DIDO1: variants seen among roughly 807,000 people sequenced by gnomAD.
DIDO1 encodes death-inducer obliterator 1.
DIDO1 carries 16 observed loss-of-function variants against 99.4 expected under a neutral mutation model. That is an observed-to-expected ratio of 0.16 (90% CI 0.11 to 0.24). DIDO1 has a LOEUF of 0.24. DIDO1 is among the 10% of genes least tolerant of loss of function. DIDO1 has a pLI of 1.00. For missense variants in DIDO1, 2,996 were observed against 3,014.0 expected (o/e 0.99, Z 0.14); for synonymous variants, 1,366 against 1,239.1 (o/e 1.10, Z -2.15).
Position 62,879,366 on chromosome 20 carries a change from C to CGCTCTCTGCTCCGGGA in DIDO1, c.6574_6589dup (p.Arg2197LeufsTer65). On this transcript the variant is annotated frameshift_variant, in exon 16 of 16. Transcript: ENST00000395343. LOFTEE classifies it low-confidence loss of function (END_TRUNC). The surrounding 1 kb of genome is among the most constrained non-coding windows in gnomAD (Gnocchi z 6.3). ...CCTGTCCCTGGCCTTGTCTCGGTCC[C>CGCTCTCTGCTCCGGGA]GCTCTCTGCTCCGGGACCGGTCCCG... is the stretch of plus-strand genomic sequence containing the variant. The CGCTCTCTGCTCCGGGA allele has an allele frequency of 6.5e-7, 1 of 1,548,302 alleles. No individual in the cohort carries two copies. Among genetic ancestry groups the CGCTCTCTGCTCCGGGA allele is most frequent in the Non-Finnish European group, 8.7e-7 (1 of 1,148,612 alleles).
rs1411750535 is a variant in DIDO1 at position 62,895,158 on chromosome 20, A to T, written c.2222T>A (p.Phe741Tyr). Residue 741 changes from phenylalanine (F) to tyrosine (Y), a missense_variant, in exon 9 of 16, where the codon TTC (phenylalanine) becomes TAC (tyrosine). By Grantham distance (22) the Phe-to-Tyr change is conservative. Transcript: ENST00000395343. ...GATTTCCTCACGCAGAACACGATGG[A>T]AGAGTCCCTATAAACAAGTATTTTT... is the stretch of plus-strand genomic sequence containing the variant. The part of the protein sequence containing the change: ...NLKDPKNQGL[F>Y]HRVLREEISL... 4 of 1,606,150 alleles carry T rather than the reference A, an allele frequency of 2.5e-6. No homozygotes were observed. The highest frequency in any genetic ancestry group is 3.4e-6 in the Non-Finnish European group (4 of 1,173,336).
In DIDO1 at chr20:62,894,728, G is replaced by A; in HGVS notation, c.2436+82C>T. On this transcript the variant is annotated intron_variant, in intron 10 of 15. Coordinates refer to ENST00000395343, the MANE Select transcript of DIDO1 (RefSeq NM_001193369.2). The surrounding 1 kb of genome is among the most constrained non-coding windows in gnomAD (Gnocchi z 4.4). Reference sequence around the variant, plus strand: ...TACACCTGCTGTAAGCTCAGGTCCTGCCCAATAATTTAAGATAACCTCAAA... The same window carrying A: ...TACACCTGCTGTAAGCTCAGGTCCTACCCAATAATTTAAGATAACCTCAAA... The A allele has an allele frequency of 1.4e-6, 2 of 1,478,308 alleles. No homozygotes were observed. Among genetic ancestry groups the A allele is most frequent in the Non-Finnish European group, 1.8e-6 (2 of 1,087,082 alleles). 91.6% of individuals were successfully genotyped at this position (1,478,308 alleles called of 1,614,324 possible). A position where few individuals can be genotyped will look rare whatever the true frequency, so the allele number is the denominator to read the frequency against.
intron 15 of DIDO1, among the ~76,000 whole-genome samples, chr20:62,882,766 T>TTATC (rs10656139): frequency 0.42 from 64,139 of 151,614 alleles, 15,344 homozygotes; most frequent in African/African-American, 0.67. Context: ...ATATTTTAAA[T>TTATC]TATAATGCTA....
intron 15 of DIDO1, chr20:62,888,725 G>T (rs746145376): frequency 1.7e-5 from 17 of 985,368 alleles, no homozygotes; most frequent in Non-Finnish European, 1.9e-5. Context: ...ACATGTACAT[G>T]TTTATATCTA....
At position 62,880,813 on chromosome 20, in the gene DIDO1, G is replaced by A. The variant is rs532200967; in HGVS notation, c.5143C>T (p.Pro1715Ser). ...NLHSAGRSSSPAGETEGDREP... is the reference protein window; with the variant it reads ...NLHSAGRSSSSAGETEGDREP... ...CTGTCCCCCTCTGTTTCACCTGCAGGGCTGCTGCTCCTTCCAGCAGAATGA... is the reference window on the plus strand; with the variant it reads ...CTGTCCCCCTCTGTTTCACCTGCAGAGCTGCTGCTCCTTCCAGCAGAATGA... Residue 1715 changes from proline to serine, a missense_variant, in exon 16 of 16, where the codon CCT (proline) becomes TCT (serine). By Grantham distance (74) the Pro-to-Ser change is moderately conservative. This residue lies in a region of DIDO1 where 1,562 missense variants were observed against 1,412.6 expected (regional missense o/e 1.11). Transcript: ENST00000395343. 1.7e-5 allele frequency: 27 copies of A among 1,612,714 alleles called. No homozygotes were observed. Among genetic ancestry groups the A allele is most frequent in the Middle Eastern group, 3.3e-4 (2 of 6,060 alleles).
At chr20:62,922,998 T>G (rs1280025976) in intron 1 of DIDO1, among the ~76,000 whole-genome samples, 1 of 151,768 alleles carries the variant, frequency 6.6e-6, no homozygotes, top group Non-Finnish European at 1.5e-5. Flanking sequence ...ATAGTGAAAT[T>G]CTTTTTGTTG....
chr20:62,922,178 A>G (rs2147566639), intron 1 of DIDO1, among the ~76,000 whole-genome samples: 1 of 149,252 alleles, frequency 6.7e-6, no homozygotes, highest in African/African-American at 2.5e-5. Flanking sequence ...GCTCTTTTAT[A>G]TGTATGTGTG....
At position 62,910,031 on chromosome 20, in the gene DIDO1, A is replaced by G; in HGVS notation, c.840-11T>C. 6.3e-7 allele frequency: 1 copy of G among 1,598,866 alleles called. No individual in the cohort carries two copies. The highest frequency in any genetic ancestry group is 1.1e-5 in the South Asian group (1 of 91,008). The stretch of plus-strand genomic sequence containing the variant: ...CAGCAAATCATAAACCTGAAATTAT[A>G]AAATAACGGTATTAGCAATGGGACG... On this transcript the variant is annotated splice_polypyrimidine_tract_variant and intron_variant, in intron 3 of 15. Coordinates refer to ENST00000395343, the MANE Select transcript of DIDO1 (RefSeq NM_001193369.2).
chr20:62,928,115 G>A (rs1432034309), upstream of DIDO1, among the ~76,000 whole-genome samples: 1 of 152,158 alleles, frequency 6.6e-6, no homozygotes, highest in African/African-American at 2.4e-5. Context: ...AGTCTCTTTA[G>A]CTGAGGATCT....
chr20:62,911,644 C>G lies in DIDO1; in HGVS notation c.-2-30G>C. Reference sequence around the variant, plus strand: ...CGGTAAAGTGTAAGCACATAGTGACCAACTGACCACAGAACAAAAGGTGAC... The same window carrying G: ...CGGTAAAGTGTAAGCACATAGTGACGAACTGACCACAGAACAAAAGGTGAC... On this transcript the variant is annotated intron_variant, in intron 2 of 15. Transcript: ENST00000395343. This position sits in a 1 kb window ranked among gnomAD's most constrained non-coding sequence, Gnocchi z 7.0. 6.6e-7 allele frequency: 1 copy of G among 1,504,020 alleles called. No homozygotes were observed. Among genetic ancestry groups the G allele is most frequent in the Non-Finnish European group, 8.9e-7 (1 of 1,124,138 alleles). The allele number at this position is 1,504,020 out of a possible 1,614,324, so 93.2% of individuals were successfully genotyped here. A position where few individuals can be genotyped will look rare whatever the true frequency, so the allele number is the denominator to read the frequency against.
At chr20:62,887,008 C>T (rs911668446) in intron 15 of DIDO1, among the ~76,000 whole-genome samples, 5 of 152,192 alleles carry the variant, frequency 3.3e-5, no homozygotes, top group Non-Finnish European at 5.9e-5. Context: ...AGGAGAGCGA[C>T]GTCCATCTTC....
In DIDO1 at chr20:62,896,753, G is replaced by A. The variant is rs367781125; in HGVS notation, c.1832C>T (p.Ala611Val). Reference sequence around the variant, plus strand: ...TGCAGGTGCCGGTCCGGCCTGCCTGGCAGCTGAAGCACCACTCGATGGGGT... The same window carrying A: ...TGCAGGTGCCGGTCCGGCCTGCCTGACAGCTGAAGCACCACTCGATGGGGT... Reference protein sequence around the residue: ...SATPSSGASAARQAGPAPAAA... With the variant: ...SATPSSGASAVRQAGPAPAAA... The change falls in exon 7 of 16, where the codon GCC (alanine) becomes GTC (valine). Residue 611 changes from alanine to valine, a missense_variant. By Grantham distance (64) the Ala-to-Val change is moderately conservative. Around this residue, in one of 5 missense-constraint regions of DIDO1, gnomAD observed 898 missense variants for 972.7 expected, o/e 0.92. Transcript: ENST00000395343. The surrounding 1 kb of genome is among the most constrained non-coding windows in gnomAD (Gnocchi z 4.4). The A allele has an allele frequency of 6.2e-7, 1 of 1,613,354 alleles. No individual in the cohort carries two copies. The highest frequency in any genetic ancestry group is 8.5e-7 in the Non-Finnish European group (1 of 1,179,554).
intron 1 of DIDO1, among the ~76,000 whole-genome samples, chr20:62,915,053 G>A (rs1271607369): frequency 6.6e-6 from 1 of 152,152 alleles, no homozygotes; most frequent in African/African-American, 2.4e-5. Flanking sequence ...TTGCCCCAAA[G>A]CCGACACTTC....
intron 15 of DIDO1, among the ~76,000 whole-genome samples, chr20:62,885,565 C>G (rs114915916): frequency 1.3e-5 from 2 of 152,148 alleles, no homozygotes; most frequent in African/African-American, 4.8e-5. Flanking sequence ...GCAGCTGGCA[C>G]GTGTAAATGC....
At chr20:62,887,798 T>C (rs897504545) in intron 15 of DIDO1, 26 of 985,286 alleles carry the variant, frequency 2.6e-5, no homozygotes, top group Non-Finnish European at 3.0e-5. Flanking sequence ...CGGGGGGCCC[T>C]GTTGGTAAAG....
At chr20:62,913,627 A>C (rs1482513449) in intron 2 of DIDO1, among the ~76,000 whole-genome samples, 1 of 152,260 alleles carries the variant, frequency 6.6e-6, no homozygotes, top group Non-Finnish European at 1.5e-5. Flanking sequence ...CTGTCATCTC[A>C]AAAGAGGGTC....
intron 4 of DIDO1, among the ~76,000 whole-genome samples, chr20:62,908,991 C>A (rs2064867178): frequency 1.3e-5 from 2 of 152,398 alleles, no homozygotes; most frequent in African/African-American, 4.8e-5. Context: ...GAGCCTTCAG[C>A]CCCTCCTGCC....
intron 1 of DIDO1, among the ~76,000 whole-genome samples, chr20:62,935,000 A>C (rs1441810012): frequency 3.3e-5 from 5 of 152,016 alleles, no homozygotes; most frequent in African/African-American, 9.7e-5. Context: ...GTACCCATCA[A>C]CTCTCAACTC....
At position 62,882,560 on chromosome 20, in the gene DIDO1, C is replaced by A. The variant is rs2064227133; in HGVS notation, c.3542-146G>T. ...GGCAAAATAAGATCAAGTGTCAAGACAGTTGCAAAAGCCTGGACGATTCCG... is the reference window on the plus strand; with the variant it reads ...GGCAAAATAAGATCAAGTGTCAAGAAAGTTGCAAAAGCCTGGACGATTCCG... On this transcript the variant is annotated intron_variant, in intron 15 of 15. Transcript: ENST00000395343. The A allele has an allele frequency of 8.5e-6, 7 of 824,930 alleles. No homozygotes were observed. In the South Asian group the frequency reaches 1.1e-4, roughly 13 times the overall value. 51.1% of individuals were successfully genotyped at this position (824,930 alleles called of 1,614,324 possible).
Sources: allele counts gnomAD v4.1 joint callset (sites outside exome capture counted in the v4.1 genomes callset), GRCh38; gene constraint gnomAD v4.1.1; regional missense constraint gnomAD v4.1.1; non-coding constraint Gnocchi (gnomAD v3.1); transcripts MANE v1.5; gene names NCBI Gene and HGNC (gene_info 2026-07-23, HGNC 2026-07-21).